Variants in FCGR2A observed in about 807,000 individuals in gnomAD.
FCGR2A encodes low affinity immunoglobulin gamma Fc region receptor II-a.
FCGR2A carries 18 observed loss-of-function variants against 29.3 expected under a neutral mutation model. That is an observed-to-expected ratio of 0.62 (90% CI 0.43 to 0.91). FCGR2A has a LOEUF of 0.91. Ranked by LOEUF, FCGR2A falls within the 40% of genes least tolerant of loss-of-function variation. The probability of loss-of-function intolerance (pLI) is 0.00; values close to 1 mark genes in which losing one functional copy is unlikely to be tolerated. For missense variants in FCGR2A, 287 were observed against 393.0 expected, an observed-to-expected ratio of 0.73 and a Z score of 2.28; for synonymous variants, 126 against 144.8, an observed-to-expected ratio of 0.87 and a Z score of 0.93.
rs1432053808 is a variant in FCGR2A at position 161,513,809 on chromosome 1, G to C, written c.743-86G>C. Reference sequence around the variant, plus strand: ...GTCAGCAGTCCTTGCTTTGAGTCTGGTTATGGTTTTGCAGCCTCAGCATCA... The same window carrying C: ...GTCAGCAGTCCTTGCTTTGAGTCTGCTTATGGTTTTGCAGCCTCAGCATCA... On this transcript the variant is annotated intron_variant, in intron 5 of 6. Coordinates refer to ENST00000271450, the MANE Select transcript of FCGR2A (RefSeq NM_001136219.3). 4.4e-6 allele frequency: 7 copies of C among 1,598,306 alleles called. No homozygotes were observed. The African/African-American group carries it at 8.1e-5, about 18-fold the overall frequency.
At chr1:161,522,162 C>T (rs1676478808), downstream of FCGR2A, among the ~76,000 whole-genome samples, 1 of 152,020 alleles carries the variant, frequency 6.6e-6, no homozygotes, top group African/African-American at 2.4e-5. Flanking sequence ...GATTGCATCA[C>T]TGTACTCCAG....
intron 5 of FCGR2A, among the ~76,000 whole-genome samples, chr1:161,511,477 G>A (rs1346532418): frequency 3.9e-5 from 6 of 152,242 alleles, no homozygotes; most frequent in Non-Finnish European, 8.8e-5. Flanking sequence ...GGCAGACTGT[G>A]AGACACAGGG....
At chr1:161,506,916 T>C (rs937132288) in intron 3 of FCGR2A, among the ~76,000 whole-genome samples, 4 of 152,160 alleles carry the variant, frequency 2.6e-5, no homozygotes, top group African/African-American at 9.7e-5. Flanking sequence ...CCTCCTCCTG[T>C]GGCAATGCGG....
chr1:161,509,887 C>T lies in FCGR2A; in HGVS notation c.432C>T (p.His144=). 3 of 1,614,246 alleles carry T rather than the reference C, an allele frequency of 1.9e-6. No individual in the cohort carries two copies. The highest frequency in any genetic ancestry group is 2.5e-6 in the Non-Finnish European group (3 of 1,180,044). The stretch of plus-strand genomic sequence containing the variant: ...GAGAAACCATCATGCTGAGGTGCCA[C>T]AGCTGGAAGGACAAGCCTCTGGTCA... ...QEGETIMLRC[H]SWKDKPLVKV... The change falls in exon 4 of 7, where the codon CAC becomes CAT. Residue 144 remains histidine, a synonymous_variant. Transcript: ENST00000271450.
chr1:161,510,253 G>T, intron 4 of FCGR2A, 179 bp downstream of exon 4: 1 of 1,148,966 alleles, frequency 8.7e-7, no homozygotes, highest in Non-Finnish European at 1.2e-6. Flanking sequence ...GCCAGAGCTT[G>T]GAGCCCTCAC....
At chr1:161,515,148 A>G (rs1282637587) in intron 6 of FCGR2A, among the ~76,000 whole-genome samples, 3 of 152,280 alleles carry the variant, frequency 2.0e-5, no homozygotes, top group Non-Finnish European at 2.9e-5. Context: ...CTCAGAAACA[A>G]TGATAAATAA....
chr1:161,523,144 A>G (rs528050534), downstream of FCGR2A: 1 of 152,264 alleles, frequency 6.6e-6, no homozygotes, highest in Admixed American at 6.5e-5. Flanking sequence ...TGCAGTTGCC[A>G]TCCTTGTTAC....
chr1:161,507,683 G>A (rs1675500290), intron 3 of FCGR2A, among the ~76,000 whole-genome samples: 1 of 151,424 alleles, frequency 6.6e-6, no homozygotes, highest in Non-Finnish European at 1.5e-5. Context: ...TAAATATTGA[G>A]TTGACCTCAA....
In FCGR2A at chr1:161,510,850, C is replaced by T. The variant is rs377335493; in HGVS notation, c.636C>T (p.Ser212=). The T allele has an allele frequency of 3.1e-6, 5 of 1,614,196 alleles. No individual in the cohort carries two copies. In the East Asian group the frequency reaches 8.9e-5, roughly 29 times the overall value. ...CTTCCCTAGTGCCCAGCATGGGCAGCTCTTCACCAATGGGGATCATTGTGG... is the reference window on the plus strand; with the variant it reads ...CTTCCCTAGTGCCCAGCATGGGCAGTTCTTCACCAATGGGGATCATTGTGG... ...TITVQVPSMG[S]SSPMGIIVAV... Residue 212 remains serine, a synonymous_variant, in exon 5 of 7, where the codon AGC becomes AGT. Transcript: ENST00000271450.
chr1:161,506,277 C>A, intron 2 of FCGR2A, 57 bp from the exon 3 acceptor site: 1 of 1,600,220 alleles, frequency 6.2e-7, no homozygotes, highest in South Asian at 1.1e-5. Context: ...GCTCCTTTGG[C>A]ATCCACAGTC....
At chr1:161,523,471 C>T (rs2102498638), downstream of FCGR2A, 1 of 152,210 alleles carries the variant, frequency 6.6e-6, no homozygotes, top group African/African-American at 2.4e-5. Context: ...AGTTTACTCT[C>T]CACCTGAGTC....
In FCGR2A at chr1:161,519,541, C is replaced by A. The variant is rs1676360530; in HGVS notation, c.*1393C>A. ...ATTTTTCTATAATGATCATATATTA[C>A]CTTTGTAATAAAACATTATAACCAA... On this transcript the variant is annotated 3_prime_UTR_variant, in exon 7 of 7. Transcript: ENST00000271450. The A allele has an allele frequency of 6.6e-6, 1 of 151,992 alleles. No homozygotes were observed. Among genetic ancestry groups the A allele is most frequent in the Non-Finnish European group, 1.5e-5 (1 of 67,988 alleles). The allele number at this position is 151,992 out of a possible 1,614,324, so 9.4% of individuals were successfully genotyped here.
In FCGR2A at chr1:161,506,824, C is replaced by A. The variant is rs915674357; in HGVS notation, c.364+233C>A. The A allele has an allele frequency of 3.8e-5, 30 of 795,092 alleles. 1 individual carries two copies. The South Asian group carries it at 5.4e-4, about 14-fold the overall frequency. 49.3% of individuals were successfully genotyped at this position (795,092 alleles called of 1,614,324 possible). ...TGTGTTAGGTTGTTTTTGCCTCAGT[C>A]TTGATTGAGCAAGGGGGTTACGAGG... On this transcript the variant is annotated intron_variant, in intron 3 of 6. Transcript: ENST00000271450.
chr1:161,505,852 A>G (rs917165259), intron 1 of FCGR2A, 135 bp from the exon 2 acceptor site: 5 of 863,358 alleles, frequency 5.8e-6, no homozygotes, highest in Non-Finnish European at 7.9e-6. Flanking sequence ...TAAAAGATCA[A>G]CTGGAAACAG....
In FCGR2A at chr1:161,506,417, G is replaced by T; in HGVS notation, c.190G>T (p.Gly64Trp). 1 of 1,614,216 alleles carries T rather than the reference G, an allele frequency of 6.2e-7. No individual in the cohort carries two copies. Among genetic ancestry groups the T allele is most frequent in the South Asian group, 1.1e-5 (1 of 91,088 alleles). Residue 64 changes from glycine to tryptophan, a missense_variant, in exon 3 of 7, where the codon GGG becomes TGG. Transcript: ENST00000271450. ...GGACTCTGTGACTCTGACATGCCAG[G>T]GGGCTCGCAGCCCTGAGAGCGACTC... ...QEDSVTLTCQ[G>W]ARSPESDSIQ...
At chr1:161,523,876 C>G (rs967517870), downstream of FCGR2A, 2 of 152,000 alleles carry the variant, frequency 1.3e-5, no homozygotes, top group East Asian at 1.9e-4. Flanking sequence ...ACCCGGGCCT[C>G]CCGCGTGGCA....
In FCGR2A at chr1:161,506,521, C is replaced by T. The variant is rs777821795; in HGVS notation, c.294C>T (p.Asp98=). ...PSYRFKANNN[D]SGEYTCQTGQ... Reference sequence around the variant, plus strand: ...ACAGGTTCAAGGCCAACAACAATGACAGCGGGGAGTACACGTGCCAGACTG... The same window carrying T: ...ACAGGTTCAAGGCCAACAACAATGATAGCGGGGAGTACACGTGCCAGACTG... The change falls in exon 3 of 7, where the codon GAC becomes GAT. Residue 98 remains aspartate (D), a synonymous_variant. Coordinates refer to ENST00000271450, the MANE Select transcript of FCGR2A (RefSeq NM_001136219.3). 1.2e-5 allele frequency: 19 copies of T among 1,614,218 alleles called. No homozygotes were observed. Among genetic ancestry groups the T allele is most frequent in the South Asian group, 2.2e-5 (2 of 91,086 alleles).
intron 4 of FCGR2A, 100 bp downstream of exon 4, chr1:161,510,174 G>A: frequency 6.4e-7 from 1 of 1,553,148 alleles, no homozygotes. Context: ...GCCCATAGCA[G>A]CAAAATTGGG....
At chr1:161,517,322 T>C (rs1176432113) in intron 6 of FCGR2A, among the ~76,000 whole-genome samples, 2 of 152,050 alleles carry the variant, frequency 1.3e-5, no homozygotes, top group East Asian at 3.9e-4. Context: ...TCAGCTGGCT[T>C]TATGGTGATT....
Sources: gnomAD v4.1 joint callset for allele counts (sites outside exome capture counted in the v4.1 genomes callset) on GRCh38, gnomAD v4.1.1 for gene constraint, MANE v1.5 for transcripts, NCBI Gene and HGNC (gene_info 2026-07-23, HGNC 2026-07-21) for gene names.